The following SAMD12 variants were observed in gnomAD, a reference collection of about 807,000 sequenced individuals.
The protein encoded by SAMD12 is sterile alpha motif domain-containing protein 12.
Under a neutral mutation model 15.0 loss-of-function variants are expected in SAMD12, and 9 were observed. That is an observed-to-expected ratio of 0.60 (90% CI 0.36 to 1.05). The LOEUF is 1.05. Among genes scored for constraint, SAMD12 ranks in the 50% least tolerant of loss-of-function variants. The probability of loss-of-function intolerance (pLI) is 0.01; values close to 1 mark genes in which losing one functional copy is unlikely to be tolerated. For missense variants in SAMD12, 230 were observed against 234.2 expected (o/e 0.98, Z 0.12); for synonymous variants, 86 against 90.1 (o/e 0.96, Z 0.25).
intron 4 of SAMD12, among the ~76,000 whole-genome samples, chr8:118,345,574 C>T (rs893477881): frequency 6.6e-6 from 1 of 152,150 alleles, no homozygotes; most frequent in Non-Finnish European, 1.5e-5. Context: ...AGAAGAAAGA[C>T]ATAAATGAAG....
chr8:118,401,201 G>T (rs1820852275), intron 3 of SAMD12, among the ~76,000 whole-genome samples: 2 of 152,192 alleles, frequency 1.3e-5, no homozygotes, highest in African/African-American at 4.8e-5. Flanking sequence ...AAAAGAAAAT[G>T]TGTTTGCAGA....
At chr8:118,427,954 G>T (rs749379610) in intron 3 of SAMD12, among the ~76,000 whole-genome samples, 3 of 152,048 alleles carry the variant, frequency 2.0e-5, no homozygotes, top group Non-Finnish European at 4.4e-5. Flanking sequence ...GCTTGGTATG[G>T]GAATTTAAGC....
chr8:118,513,825 C>T (rs1418890457), intron 2 of SAMD12, among the ~76,000 whole-genome samples: 2 of 152,168 alleles, frequency 1.3e-5, no homozygotes, highest in Non-Finnish European at 2.9e-5. Context: ...GCAAATGACA[C>T]TTGCCCTCAG....
At chr8:118,279,367 C>T (rs1813553318) in intron 4 of SAMD12, among the ~76,000 whole-genome samples, 1 of 152,086 alleles carries the variant, frequency 6.6e-6, no homozygotes, top group Non-Finnish European at 1.5e-5. Flanking sequence ...AAAAAATACC[C>T]TAACACCTTC....
At chr8:118,333,131 A>G (rs1455916474) in intron 4 of SAMD12, among the ~76,000 whole-genome samples, 1 of 152,180 alleles carries the variant, frequency 6.6e-6, no homozygotes, top group African/African-American at 2.4e-5. Flanking sequence ...TCCAGCTCCC[A>G]GCCTCTCCTT....
chr8:118,463,433 C>T (rs542339331), intron 2 of SAMD12, among the ~76,000 whole-genome samples: 19 of 152,200 alleles, frequency 1.2e-4, no homozygotes, highest in African/African-American at 4.6e-4. Context: ...CATTCAGCAT[C>T]GTGTGGGAAG....
At chr8:118,397,824 G>A (rs959912554) in intron 3 of SAMD12, among the ~76,000 whole-genome samples, 5 of 151,910 alleles carry the variant, frequency 3.3e-5, no homozygotes, top group African/African-American at 7.3e-5. Context: ...ACTGGGTCTC[G>A]CTCTGTCACC....
At chr8:118,471,621 T>C (rs1466565064) in intron 2 of SAMD12, among the ~76,000 whole-genome samples, 1 of 152,136 alleles carries the variant, frequency 6.6e-6, no homozygotes, top group Admixed American at 6.5e-5. Context: ...AAAGCCAAAA[T>C]TAAAGCATGT....
At position 118,357,987 on chromosome 8, in the gene SAMD12, T is replaced by TA. The variant is rs541176648; in HGVS notation, c.433+21572dup. Among the ~76,000 whole-genome samples the TA allele has an allele frequency of 1.1e-3, 166 of 151,882 alleles. 6 individuals carry two copies. In the South Asian group the frequency reaches 0.033, roughly 30 times the overall value. On this transcript the variant is annotated intron_variant, in intron 4 of 4. Transcript: ENST00000409003. ...AGTGAGACACCATCTCTACAAAAAA[T>TA]AAAAAAAATTAGCCAGGTGTGGTGG...
chr8:118,376,612 A>C (rs1362878109), downstream of SAMD12, among the ~76,000 whole-genome samples: 1 of 152,132 alleles, frequency 6.6e-6, no homozygotes, highest in Non-Finnish European at 1.5e-5. Flanking sequence ...AACATGTTAG[A>C]TAATCATCAA....
intron 4 of SAMD12, among the ~76,000 whole-genome samples, chr8:118,332,505 T>A (rs1816851694): frequency 6.6e-6 from 1 of 152,208 alleles, no homozygotes; most frequent in Non-Finnish European, 1.5e-5. Flanking sequence ...GTTTATTTAG[T>A]CACAACACTG....
At chr8:118,559,296 C>A (rs1826641780) in intron 2 of SAMD12, among the ~76,000 whole-genome samples, 1 of 152,202 alleles carries the variant, frequency 6.6e-6, no homozygotes, top group South Asian at 2.1e-4. Context: ...TTAGATCATT[C>A]TTTCCCATAG....
chr8:118,610,367 T>A (rs560815446), intron 1 of SAMD12, among the ~76,000 whole-genome samples: 63 of 152,316 alleles, frequency 4.1e-4, no homozygotes, highest in Admixed American at 1.6e-3. Flanking sequence ...CAGAACCAAA[T>A]TAGTGAACTT....
intron 4 of SAMD12, among the ~76,000 whole-genome samples, chr8:118,315,149 T>C (rs566154437): frequency 3.3e-4 from 50 of 152,320 alleles, no homozygotes; most frequent in African/African-American, 1.1e-3. Context: ...TTCATTCTTA[T>C]GGAGACATGC....
intron 2 of SAMD12, among the ~76,000 whole-genome samples, chr8:118,486,382 C>G (rs1001975212): frequency 4.6e-5 from 7 of 151,300 alleles, no homozygotes; most frequent in South Asian, 2.1e-4. Context: ...CGCCACTGCA[C>G]TCCAGCCTGG....
chr8:118,250,823 G>A (rs977808418), intron 4 of SAMD12, among the ~76,000 whole-genome samples: 2 of 152,012 alleles, frequency 1.3e-5, no homozygotes, highest in African/African-American at 4.8e-5. Context: ...GAGATCAAAA[G>A]TCAGTCAACA....
chr8:118,287,306 T>C (rs1307014390), intron 4 of SAMD12, among the ~76,000 whole-genome samples: 1 of 150,230 alleles, frequency 6.7e-6, no homozygotes, highest in Non-Finnish European at 1.5e-5. Flanking sequence ...TTTGTATTTT[T>C]AGTAGAGACG....
At chr8:118,331,238 T>C (rs1432430347) in intron 4 of SAMD12, among the ~76,000 whole-genome samples, 1 of 152,052 alleles carries the variant, frequency 6.6e-6, no homozygotes, top group East Asian at 1.9e-4. Context: ...ATGGACTTAG[T>C]ATACACAGCA....
At chr8:118,408,090 T>C (rs1364188490) in intron 3 of SAMD12, among the ~76,000 whole-genome samples, 3 of 152,080 alleles carry the variant, frequency 2.0e-5, no homozygotes, top group Non-Finnish European at 2.9e-5. Flanking sequence ...GTACCTCCTC[T>C]TTACCCAAGT....
Sources: gnomAD v4.1 joint callset for allele counts (sites outside exome capture counted in the v4.1 genomes callset) on GRCh38, gnomAD v4.1.1 for gene constraint, MANE v1.5 for transcripts, NCBI Gene and HGNC (gene_info 2026-07-23, HGNC 2026-07-21) for gene names.